The following BMPER variants were observed in gnomAD, a reference collection of about 807,000 sequenced individuals.
BMPER encodes the protein BMP-binding endothelial regulator protein.
Under a neutral mutation model 87.3 loss-of-function variants are expected in BMPER, and 45 were observed. The observed-to-expected ratio is 0.52, with a 90% CI of 0.41 to 0.66. The LOEUF is 0.66. BMPER is among the 30% of genes least tolerant of loss of function. The pLI is 0.00. For synonymous variants in BMPER, 326 were observed against 316.2 expected, an observed-to-expected ratio of 1.03 and a Z score of -0.33; for missense variants, 784 against 867.5, an observed-to-expected ratio of 0.90 and a Z score of 1.21.
intron 13 of BMPER, among the ~76,000 whole-genome samples, chr7:34,117,299 C>A (rs1482493097): frequency 6.6e-6 from 1 of 152,110 alleles, no homozygotes; most frequent in African/African-American, 2.4e-5. Context: ...TATTTCCATT[C>A]ATCACAGTCA....
chr7:34,074,444 G>A (rs1788812231), intron 11 of BMPER, among the ~76,000 whole-genome samples: 1 of 152,186 alleles, frequency 6.6e-6, no homozygotes, highest in South Asian at 2.1e-4. Flanking sequence ...TCTATCAGAG[G>A]CCTCCATCAC....
intron 6 of BMPER, among the ~76,000 whole-genome samples, chr7:34,005,342 G>A (rs551331769): frequency 1.3e-4 from 20 of 152,142 alleles, no homozygotes; most frequent in African/African-American, 4.3e-4. Context: ...ATATCTCAAA[G>A]CTTGCTATTC....
At chr7:33,939,287 C>G (rs1217228938) in intron 3 of BMPER, among the ~76,000 whole-genome samples, 1 of 152,148 alleles carries the variant, frequency 6.6e-6, no homozygotes, top group Non-Finnish European at 1.5e-5. Context: ...CTCCTCTTAT[C>G]TTAATCTTTC....
chr7:34,042,434 AC>A (rs1240739332), intron 6 of BMPER, among the ~76,000 whole-genome samples: 1 of 152,190 alleles, frequency 6.6e-6, no homozygotes, highest in Non-Finnish European at 1.5e-5. Flanking sequence ...CAAACATTTA[AC>A]AAATACATGA....
intron 13 of BMPER, among the ~76,000 whole-genome samples, chr7:34,120,881 T>C (rs1031988178): frequency 2.0e-5 from 3 of 152,150 alleles, no homozygotes; most frequent in African/African-American, 7.2e-5. Context: ...AAGAGCGATA[T>C]ATAGTGTAAT....
At chr7:33,953,735 A>G (rs1785084573) in intron 3 of BMPER, among the ~76,000 whole-genome samples, 1 of 152,158 alleles carries the variant, frequency 6.6e-6, no homozygotes, top group African/African-American at 2.4e-5. Flanking sequence ...CATTACCACT[A>G]TCTATTTCTA....
intron 14 of BMPER, 128 bp downstream of exon 14, chr7:34,143,488 T>TGGGCTACTGGA: frequency 7.2e-7 from 1 of 1,384,980 alleles, no homozygotes; most frequent in Non-Finnish European, 1.0e-6. Flanking sequence ...TCCCTTCCAG[T>TGGGCTACTGGA]AGCCCATCTG....
chr7:34,050,210 G>T (rs1788111914), intron 7 of BMPER, among the ~76,000 whole-genome samples: 1 of 152,174 alleles, frequency 6.6e-6, no homozygotes, highest in African/African-American at 2.4e-5. Flanking sequence ...ATCATGCCTA[G>T]TCATGAAAGA....
intron 7 of BMPER, among the ~76,000 whole-genome samples, chr7:34,050,961 A>G (rs1788132625): frequency 6.6e-6 from 1 of 152,188 alleles, no homozygotes; most frequent in Admixed American, 6.5e-5. Flanking sequence ...CTGAAATGCT[A>G]TCTTAGTCTG....
intron 13 of BMPER, among the ~76,000 whole-genome samples, chr7:34,094,612 C>A (rs556964657): frequency 8.5e-5 from 13 of 152,198 alleles, no homozygotes; most frequent in Non-Finnish European, 1.5e-4. Context: ...GGTTTTGCAG[C>A]CAGACTGCCT....
At chr7:34,032,092 G>C (rs151206045) in intron 6 of BMPER, among the ~76,000 whole-genome samples, 3 of 150,612 alleles carry the variant, frequency 2.0e-5, no homozygotes, top group East Asian at 3.9e-4. Context: ...TACCTCAGTT[G>C]TTCTGTTCTT....
chr7:33,956,008 A>G (rs1053320910), intron 3 of BMPER, among the ~76,000 whole-genome samples: 2 of 152,104 alleles, frequency 1.3e-5, no homozygotes, highest in African/African-American at 4.8e-5. Flanking sequence ...TGAGCTGTTC[A>G]TAGACAGACA....
intron 6 of BMPER, among the ~76,000 whole-genome samples, chr7:34,012,541 C>G (rs1456177245): frequency 6.6e-6 from 1 of 151,908 alleles, no homozygotes; most frequent in East Asian, 1.9e-4. Flanking sequence ...TATTACCTGA[C>G]ACACACATAC....
chr7:33,981,796 G>GA (rs1302664853), intron 6 of BMPER, among the ~76,000 whole-genome samples: 1 of 152,194 alleles, frequency 6.6e-6, no homozygotes, highest in African/African-American at 2.4e-5. Context: ...AGCTCAGAAA[G>GA]AAAAAGAGAT....
At chr7:34,110,095 G>T (rs748158993) in intron 13 of BMPER, among the ~76,000 whole-genome samples, 10 of 152,212 alleles carry the variant, frequency 6.6e-5, no homozygotes, top group Non-Finnish European at 1.3e-4. Context: ...AATTTGAACT[G>T]TGTGTCAAGG....
intron 13 of BMPER, among the ~76,000 whole-genome samples, chr7:34,118,378 A>G (rs1430666801): frequency 1.3e-5 from 2 of 152,218 alleles, no homozygotes; most frequent in Non-Finnish European, 2.9e-5. Flanking sequence ...CTCACTCTTT[A>G]TGTATGATAC....
At chr7:33,905,212 CCCGGGCGGCGGCTGAGCGGCAGT>C, upstream of BMPER, 1 of 305,646 alleles carries the variant, frequency 3.3e-6, no homozygotes, top group Non-Finnish European at 6.3e-6. Context: ...GTAGCGGCAG[CCCGGGCGGCGGCTGAGCGGCAGT>C]GCGCAGTCGG....
chr7:34,010,186 C>G (rs1332757018), intron 6 of BMPER, among the ~76,000 whole-genome samples: 1 of 151,752 alleles, frequency 6.6e-6, no homozygotes, highest in Admixed American at 6.6e-5. Flanking sequence ...TTTTCTATTC[C>G]TTTTTGAAAT....
At chr7:34,045,296 G>A (rs1042179854) in intron 6 of BMPER, among the ~76,000 whole-genome samples, 4 of 152,156 alleles carry the variant, frequency 2.6e-5, no homozygotes, top group African/African-American at 7.2e-5. Flanking sequence ...AGCTTTGCCC[G>A]TTGGACGTAA....
Sources: gnomAD v4.1 joint callset for allele counts (sites outside exome capture counted in the v4.1 genomes callset) on GRCh38, gnomAD v4.1.1 for gene constraint, MANE v1.5 for transcripts, NCBI Gene and HGNC (gene_info 2026-07-23, HGNC 2026-07-21) for gene names.